MAML2: variants seen among roughly 807,000 people sequenced by gnomAD.
MAML2 encodes the protein mastermind-like protein 2.
In MAML2, 22 loss-of-function variants were observed where a neutral mutation model predicts 96.1. That is an observed-to-expected ratio of 0.23 (90% CI 0.16 to 0.33). The LOEUF is 0.33. Ranked by LOEUF, MAML2 falls within the 10% of genes least tolerant of loss-of-function variation. MAML2 has a pLI of 1.00. For missense variants in MAML2, 1,367 were observed against 1,392.4 expected (o/e 0.98, Z 0.29); for synonymous variants, 561 against 521.3 (o/e 1.08, Z -1.04).
chr11:96,249,628 C>A (rs914240970), intron 1 of MAML2, among the ~76,000 whole-genome samples: 3 of 152,068 alleles, frequency 2.0e-5, no homozygotes, highest in African/African-American at 7.2e-5. Flanking sequence ...CTTTCTTTGA[C>A]ACCCTACATC....
chr11:96,284,633 C>T (rs976012018), intron 1 of MAML2, among the ~76,000 whole-genome samples: 1 of 152,130 alleles, frequency 6.6e-6, no homozygotes, highest in East Asian at 1.9e-4. Context: ...GTTTGGCTTA[C>T]AAATAGTTTC....
At chr11:96,053,953 G>T (rs1018594558) in intron 2 of MAML2, among the ~76,000 whole-genome samples, 2 of 151,972 alleles carry the variant, frequency 1.3e-5, no homozygotes, top group Non-Finnish European at 2.9e-5. Context: ...GACAACTTGG[G>T]TGCCGCCATT....
chr11:96,198,246 A>G (rs1861759670), intron 1 of MAML2, among the ~76,000 whole-genome samples: 1 of 152,170 alleles, frequency 6.6e-6, no homozygotes, highest in Non-Finnish European at 1.5e-5. Flanking sequence ...TTCCCCAGAG[A>G]TAGCTTATTG....
chr11:96,244,657 A>T (rs1591092693), intron 1 of MAML2, among the ~76,000 whole-genome samples: 1 of 152,200 alleles, frequency 6.6e-6, no homozygotes, highest in Non-Finnish European at 1.5e-5. Context: ...CTACGACTCT[A>T]CAGAACTATG....
intron 1 of MAML2, among the ~76,000 whole-genome samples, chr11:96,261,751 A>C (rs1427159090): frequency 6.6e-6 from 1 of 152,232 alleles, no homozygotes; most frequent in Non-Finnish European, 1.5e-5. Context: ...TTCGTCTATA[A>C]AATAAGGAAG....
In MAML2 at chr11:96,294,982, A is replaced by G. The variant is rs1020742630; in HGVS notation, c.513+46401T>C. Among the ~76,000 whole-genome samples the G allele has an allele frequency of 3.3e-5, 5 of 152,344 alleles. No individual in the cohort carries two copies. The East Asian group carries it at 9.6e-4, about 29-fold the overall frequency. On this transcript the variant is annotated intron_variant, in intron 1 of 4. Transcript: ENST00000524717. ...CAAATTAATTTTGTTCTCTTTGGCCAGTAACATTGACTTTGGTAAAATGAC... is the reference window on the plus strand; with the variant it reads ...CAAATTAATTTTGTTCTCTTTGGCCGGTAACATTGACTTTGGTAAAATGAC...
At chr11:96,010,210 C>T (rs1858245721) in intron 2 of MAML2, among the ~76,000 whole-genome samples, 1 of 152,088 alleles carries the variant, frequency 6.6e-6, no homozygotes, top group Non-Finnish European at 1.5e-5. Flanking sequence ...TATATGGATA[C>T]ATATTTAAAC....
chr11:96,154,243 C>T (rs1365528876), intron 1 of MAML2, among the ~76,000 whole-genome samples: 2 of 152,122 alleles, frequency 1.3e-5, no homozygotes, highest in Non-Finnish European at 2.9e-5. Flanking sequence ...TGAGAATTTG[C>T]ATTTCTAACA....
intron 1 of MAML2, among the ~76,000 whole-genome samples, chr11:96,146,765 A>G (rs1387521860): frequency 2.0e-5 from 3 of 152,202 alleles, no homozygotes; most frequent in East Asian, 3.8e-4. Context: ...TCATCTATTG[A>G]CAGTTGTTCA....
intron 1 of MAML2, among the ~76,000 whole-genome samples, chr11:96,130,993 A>G (rs1414692897): frequency 6.6e-6 from 1 of 152,224 alleles, no homozygotes; most frequent in Non-Finnish European, 1.5e-5. Flanking sequence ...AGGGGTAGAA[A>G]GACAAAAGCA....
At chr11:96,211,267 G>C (rs1427355427) in intron 1 of MAML2, among the ~76,000 whole-genome samples, 1 of 152,056 alleles carries the variant, frequency 6.6e-6, no homozygotes, top group African/African-American at 2.4e-5. Flanking sequence ...AGTTTATGGG[G>C]TGTTAGGTGA....
At chr11:96,226,927 A>G (rs1051860315) in intron 1 of MAML2, among the ~76,000 whole-genome samples, 1 of 152,244 alleles carries the variant, frequency 6.6e-6, no homozygotes, top group African/African-American at 2.4e-5. Context: ...ATAAAATAGA[A>G]TATCTTCACA....
chr11:96,044,618 C>T (rs1224538950), intron 2 of MAML2, among the ~76,000 whole-genome samples: 5 of 151,898 alleles, frequency 3.3e-5, no homozygotes, highest in African/African-American at 1.2e-4. Context: ...GATCAGCTAA[C>T]ATCTTAGAAA....
intron 1 of MAML2, among the ~76,000 whole-genome samples, chr11:96,121,468 C>T (rs1467993546): frequency 2.0e-5 from 3 of 152,148 alleles, no homozygotes; most frequent in Non-Finnish European, 4.4e-5. Flanking sequence ...AAACATTTAA[C>T]AGACATGTAC....
intron 2 of MAML2, among the ~76,000 whole-genome samples, chr11:96,015,250 C>T (rs1021674861): frequency 1.3e-5 from 2 of 152,096 alleles, no homozygotes; most frequent in South Asian, 2.1e-4. Context: ...GCAATTTAAG[C>T]TACTACATAA....
chr11:96,209,131 G>A (rs955768346), intron 1 of MAML2, among the ~76,000 whole-genome samples: 3 of 149,854 alleles, frequency 2.0e-5, no homozygotes, highest in Non-Finnish European at 4.4e-5. Flanking sequence ...TTAAGTGTGT[G>A]ACAAAAGACA....
intron 1 of MAML2, among the ~76,000 whole-genome samples, chr11:96,154,082 A>G (rs1860971959): frequency 6.6e-6 from 1 of 152,210 alleles, no homozygotes; most frequent in Non-Finnish European, 1.5e-5. Flanking sequence ...TGACTCTGCA[A>G]ATCTGTTCTT....
chr11:96,122,053 G>A (rs370388742), intron 1 of MAML2, among the ~76,000 whole-genome samples: 3 of 137,494 alleles, frequency 2.2e-5, no homozygotes, highest in African/African-American at 5.5e-5. Context: ...CTCGTGATCC[G>A]CCTGCCTCGG....
chr11:96,196,030 A>T (rs955091742), intron 1 of MAML2, among the ~76,000 whole-genome samples: 3 of 152,222 alleles, frequency 2.0e-5, no homozygotes, highest in Non-Finnish European at 2.9e-5. Context: ...ATACATTTTA[A>T]AATGTATCAT....
Sources: gnomAD v4.1 joint callset for allele counts (sites outside exome capture counted in the v4.1 genomes callset) on GRCh38, gnomAD v4.1.1 for gene constraint, MANE v1.5 for transcripts, NCBI Gene and HGNC (gene_info 2026-07-23, HGNC 2026-07-21) for gene names.